Variants in PRKAR1B observed in about 807,000 individuals in gnomAD.
PRKAR1B encodes the protein cAMP-dependent protein kinase type I-beta regulatory subunit.
A neutral mutation model predicts 46.5 loss-of-function variants in PRKAR1B; 22 were observed. The observed-to-expected ratio is 0.47, with a 90% CI of 0.34 to 0.68. PRKAR1B has a LOEUF of 0.68. Among genes scored for constraint, PRKAR1B ranks in the 30% least tolerant of loss-of-function variants. PRKAR1B has a pLI of 0.01. For missense variants in PRKAR1B, 445 were observed against 535.6 expected (o/e 0.83, Z 1.67); for synonymous variants, 259 against 217.7 (o/e 1.19, Z -1.67).
intron 1 of PRKAR1B, among the ~76,000 whole-genome samples, chr7:715,660 A>G (rs1008104790): frequency 1.3e-5 from 2 of 152,022 alleles, no homozygotes; most frequent in African/African-American, 4.8e-5. Context: ...AGGATTCATC[A>G]TGACTAAATG....
chr7:639,213 C>T (rs1014788299), intron 4 of PRKAR1B, among the ~76,000 whole-genome samples: 1 of 152,136 alleles, frequency 6.6e-6, no homozygotes, highest in African/African-American at 2.4e-5. Context: ...ACTACAAAAC[C>T]ACTGTAATCA....
intron 8 of PRKAR1B, among the ~76,000 whole-genome samples, chr7:583,360 C>T (rs9330370): frequency 0.39 from 50,334 of 129,234 alleles, 11,425 homozygotes; most frequent in African/African-American, 0.47. Flanking sequence ...CACACACAGG[C>T]GCACACACCC....
intron 4 of PRKAR1B, among the ~76,000 whole-genome samples, chr7:670,326 C>A (rs1175195254): frequency 6.6e-6 from 1 of 152,176 alleles, no homozygotes; most frequent in African/African-American, 2.4e-5. Flanking sequence ...GCAACCACGC[C>A]AGGCCAGGGG....
In PRKAR1B at chr7:584,642, T is replaced by TC. The variant is rs1780496562; in HGVS notation, c.709-75dup. 3 of 1,301,362 alleles carry TC rather than the reference T, an allele frequency of 2.3e-6. No homozygotes were observed. The Admixed American group carries it at 5.7e-5, about 25-fold the overall frequency. 80.6% of individuals were successfully genotyped at this position (1,301,362 alleles called of 1,614,324 possible). A position where few individuals can be genotyped will look rare whatever the true frequency, so the allele number is the denominator to read the frequency against. On this transcript the variant is annotated intron_variant, in intron 7 of 10. Transcript: ENST00000537384. ...TGGATCATCCTGACGTTTCCAGATT[T>TC]CCCCAAATGACTCTCAACTTTTAAA...
rs1242004023 is a variant in PRKAR1B at position 592,476 on chromosome 7, A to G, written c.708+3670T>C. ...CGGACATCGGTCCCTTCCCGGCTCC[A>G]CCGGCTGTGCCGAGTCACTCCGGAC... On this transcript the variant is annotated intron_variant, in intron 7 of 10. Transcript: ENST00000537384. Among the ~76,000 whole-genome samples the G allele has an allele frequency of 3.4e-5, 5 of 148,998 alleles. No individual in the cohort carries two copies. The East Asian group carries it at 9.8e-4, about 29-fold the overall frequency.
rs1785961160 is a variant in PRKAR1B at position 666,944 on chromosome 7, AGTGATGATGATGGCG to A, written c.440+10270_440+10284del. Among the ~76,000 whole-genome samples, 2 of 152,334 alleles carry A rather than the reference AGTGATGATGATGGCG, an allele frequency of 1.3e-5. No individual in the cohort carries two copies. Among genetic ancestry groups the A allele is most frequent in the South Asian group, 4.1e-4 (2 of 4,828 alleles). Reference sequence around the variant, plus strand: ...AGATGGTGATGACAATGACCACAACAGTGATGATGATGGCGGTGATGATGATGATGGTGATGATAA... The same window carrying A: ...AGATGGTGATGACAATGACCACAACAGTGATGATGATGATGGTGATGATAA... On this transcript the variant is annotated intron_variant, in intron 4 of 10. Coordinates refer to ENST00000537384, the MANE Select transcript of PRKAR1B (RefSeq NM_001164760.2). This position sits in a 1 kb window ranked among gnomAD's most constrained non-coding sequence, Gnocchi z 4.9.
chr7:551,884 C>T (rs1303624815), intron 9 of PRKAR1B, among the ~76,000 whole-genome samples: 1 of 136,970 alleles, frequency 7.3e-6, no homozygotes, highest in Non-Finnish European at 1.6e-5. Context: ...CCCCCACCTC[C>T]CGCCCAGGTC....
intron 1 of PRKAR1B, among the ~76,000 whole-genome samples, chr7:724,398 G>C (rs1048237904): frequency 6.6e-6 from 1 of 152,130 alleles, no homozygotes; most frequent in African/African-American, 2.4e-5. Flanking sequence ...GAGATCTGAC[G>C]GTTTTATAAG....
intron 4 of PRKAR1B, among the ~76,000 whole-genome samples, chr7:637,774 A>G (rs1296004495): frequency 6.6e-6 from 1 of 152,196 alleles, no homozygotes; most frequent in Non-Finnish European, 1.5e-5. Flanking sequence ...TGGAGGTTGC[A>G]GTGAGCCGAG....
At chr7:564,256 G>T (rs924129214) in intron 9 of PRKAR1B, among the ~76,000 whole-genome samples, 2 of 152,168 alleles carry the variant, frequency 1.3e-5, no homozygotes, top group African/African-American at 4.8e-5. Flanking sequence ...GGGAGGTGGG[G>T]CCAGGGTGGG....
rs967159194 is a variant in PRKAR1B at position 667,156 on chromosome 7, T to C, written c.440+10073A>G. 2.7e-5 allele frequency among the ~76,000 whole-genome samples: 4 copies of C among 150,088 alleles called. No homozygotes were observed. Among genetic ancestry groups the C allele is most frequent in the African/African-American group, 9.7e-5 (4 of 41,094 alleles). On this transcript the variant is annotated intron_variant, in intron 4 of 10. Transcript: ENST00000537384. The surrounding 1 kb of genome is among the most constrained non-coding windows in gnomAD (Gnocchi z 4.3). ...AGGATGGTGGTGGTGATGGTGATGA[T>C]AATGATGGTGATGATGACAGTGATG...
chr7:581,465 A>T (rs1356983050), intron 8 of PRKAR1B, among the ~76,000 whole-genome samples: 1 of 152,232 alleles, frequency 6.6e-6, no homozygotes, highest in Non-Finnish European at 1.5e-5. Context: ...AGGGTGCAGA[A>T]TGAGACCAGC....
chr7:674,039 G>A (rs1786438380), intron 4 of PRKAR1B, among the ~76,000 whole-genome samples: 1 of 152,130 alleles, frequency 6.6e-6, no homozygotes, highest in Non-Finnish European at 1.5e-5. Context: ...TGGCATCAGG[G>A]CCCTCCTGGG....
At chr7:590,488 G>A (rs1780913851) in intron 7 of PRKAR1B, among the ~76,000 whole-genome samples, 1 of 152,248 alleles carries the variant, frequency 6.6e-6, no homozygotes, top group African/African-American at 2.4e-5. Context: ...GGCCCCGAGA[G>A]ATGGGCACTT....
chr7:594,670 CT>C (rs1781166094), intron 7 of PRKAR1B, among the ~76,000 whole-genome samples: 1 of 151,958 alleles, frequency 6.6e-6, no homozygotes, highest in South Asian at 2.1e-4. Flanking sequence ...AGGGGACCCC[CT>C]AGACCACAAG....
At chr7:628,079 G>C (rs1461061574) in intron 4 of PRKAR1B, among the ~76,000 whole-genome samples, 4 of 152,206 alleles carry the variant, frequency 2.6e-5, no homozygotes, top group Non-Finnish European at 5.9e-5. Flanking sequence ...TCTCCCCAAA[G>C]ACCATGCGAA....
At chr7:640,553 A>C (rs1784334420) in intron 4 of PRKAR1B, among the ~76,000 whole-genome samples, 1 of 152,156 alleles carries the variant, frequency 6.6e-6, no homozygotes, top group Non-Finnish European at 1.5e-5. Context: ...ACCTGAGGTC[A>C]GGAGTTCGAG....
chr7:580,497 T>C (rs1177999754), intron 8 of PRKAR1B, among the ~76,000 whole-genome samples: 1 of 152,154 alleles, frequency 6.6e-6, no homozygotes, highest in East Asian at 1.9e-4. Flanking sequence ...TCAAACAACA[T>C]GGAACTGCAT....
intron 4 of PRKAR1B, among the ~76,000 whole-genome samples, chr7:611,221 G>C (rs1367142091): frequency 1.3e-5 from 2 of 152,244 alleles, no homozygotes; most frequent in Non-Finnish European, 2.9e-5. Flanking sequence ...TAGGGGCAGA[G>C]CCCTCCTCCG....
Sources: allele counts gnomAD v4.1 joint callset (sites outside exome capture counted in the v4.1 genomes callset), GRCh38; gene constraint gnomAD v4.1.1; non-coding constraint Gnocchi (gnomAD v3.1); transcripts MANE v1.5; gene names NCBI Gene and HGNC (gene_info 2026-07-23, HGNC 2026-07-21).